The following DMD variants were observed in gnomAD, a reference collection of about 807,000 sequenced individuals.
DMD encodes the protein dystrophin, also known as mutant dystrophin.
Under a neutral mutation model 330.1 loss-of-function variants are expected in DMD, and 63 were observed. The ratio of observed to expected loss-of-function variants is 0.19; its 90% confidence interval spans 0.16 to 0.24. DMD has a LOEUF of 0.24. Among genes scored for constraint, DMD ranks in the 10% least tolerant of loss-of-function variants. The probability of loss-of-function intolerance (pLI) is 1.00; values close to 1 mark genes in which losing one functional copy is unlikely to be tolerated. For missense variants in DMD, 3,344 were observed against 2,684.1 expected (o/e 1.25, Z -5.43); for synonymous variants, 1,223 against 959.8 (o/e 1.27, Z -5.07).
intron 1 of DMD, among the ~76,000 whole-genome samples, chrX:33,107,310 C>T (rs1462173329): frequency 8.0e-3 from 7 of 877 alleles, no homozygotes; most frequent in East Asian, 0.074. Flanking sequence ...GAAGCTCTGT[C>T]CCCCCCCCCC....
At chrX:31,846,728 C>A (rs1482436981) in intron 48 of DMD, among the ~76,000 whole-genome samples, 1 of 111,100 alleles carries the variant, frequency 9.0e-6, no homozygotes, top group Non-Finnish European at 1.9e-5. Flanking sequence ...GACTAGCATC[C>A]TTCTCTATCC....
At chrX:32,868,499 C>T (rs1019467584) in intron 2 of DMD, among the ~76,000 whole-genome samples, 4 of 112,098 alleles carry the variant, frequency 3.6e-5, no homozygotes, top group African/African-American at 1.3e-4. Flanking sequence ...ACTGAGAGGA[C>T]TGAGCTCCTG....
intron 2 of DMD, among the ~76,000 whole-genome samples, chrX:32,895,109 G>A (rs770327672): frequency 3.6e-5 from 4 of 111,659 alleles, no homozygotes; most frequent in South Asian, 7.5e-4. Flanking sequence ...ACGGGCCACC[G>A]GATCAGAGCC....
intron 9 of DMD, among the ~76,000 whole-genome samples, chrX:32,651,108 C>A (rs1037531949): frequency 9.2e-6 from 1 of 108,454 alleles, no homozygotes; most frequent in African/African-American, 3.5e-5. Flanking sequence ...AGAGTCTAAG[C>A]AACAGCACTT....
rs140707858 is a variant in DMD at position 33,028,934 on chromosome X, A to C, written c.32-8734T>G. Among the ~76,000 whole-genome samples, 104 of 111,293 alleles carry C rather than the reference A, an allele frequency of 9.3e-4. 1 individual carries two copies. The East Asian group carries it at 0.026, about 28-fold the overall frequency. On this transcript the variant is annotated intron_variant, in intron 1 of 78. Transcript: ENST00000357033. The stretch of plus-strand genomic sequence containing the variant: ...CTTCCAATAATGCAGCCCAAATCCC[A>C]CTCATTACCTCCTAAATGTGACCAC...
intron 45 of DMD, among the ~76,000 whole-genome samples, chrX:31,944,154 T>A (rs1469529507): frequency 9.0e-6 from 1 of 111,584 alleles, no homozygotes; most frequent in Non-Finnish European, 1.9e-5. Flanking sequence ...CTGAGACCCA[T>A]GCAGTGGTTC....
chrX:32,893,908 C>A (rs1323197625), intron 2 of DMD, among the ~76,000 whole-genome samples: 1 of 110,998 alleles, frequency 9.0e-6, no homozygotes, highest in Non-Finnish European at 1.9e-5. Context: ...GATGGGCTGG[C>A]ATGTTTGGGC....
chrX:32,841,240 A>T (rs1057160571), intron 4 of DMD, among the ~76,000 whole-genome samples: 1 of 109,722 alleles, frequency 9.1e-6, no homozygotes, highest in African/African-American at 3.3e-5. Flanking sequence ...CCTAAAATTT[A>T]AAAAAAAAAT....
At chrX:32,759,278 T>C (rs2071919264) in intron 7 of DMD, among the ~76,000 whole-genome samples, 1 of 112,153 alleles carries the variant, frequency 8.9e-6, no homozygotes, top group Non-Finnish European at 1.9e-5. Context: ...TCTGGGGTCC[T>C]CTGGCACAAT....
At chrX:32,627,475 G>T (rs1366337515) in intron 11 of DMD, among the ~76,000 whole-genome samples, 1 of 96,500 alleles carries the variant, frequency 1.0e-5, no homozygotes, top group Non-Finnish European at 1.9e-5. Flanking sequence ...TAATAATTGT[G>T]TGTCAGAAAA....
chrX:31,659,722 T>C (rs1292347702), intron 53 of DMD, among the ~76,000 whole-genome samples: 1 of 107,462 alleles, frequency 9.3e-6, no homozygotes, highest in East Asian at 2.9e-4. Context: ...TAATACATCA[T>C]TCCAATGGTC....
chrX:31,536,352 C>T (rs955349857), intron 55 of DMD, among the ~76,000 whole-genome samples: 9 of 110,993 alleles, frequency 8.1e-5, no homozygotes, highest in African/African-American at 2.6e-4. Flanking sequence ...GTAAAAAATT[C>T]GGGACTGTTT....
At chrX:32,598,862 T>G (rs2055868508) in intron 12 of DMD, among the ~76,000 whole-genome samples, 1 of 111,802 alleles carries the variant, frequency 8.9e-6, no homozygotes, top group Admixed American at 9.5e-5. Context: ...CATTAAAATC[T>G]AACACAAGAA....
At chrX:31,786,020 C>T (rs190889002) in intron 50 of DMD, among the ~76,000 whole-genome samples, 9 of 111,967 alleles carry the variant, frequency 8.0e-5, no homozygotes, top group Non-Finnish European at 1.7e-4. Flanking sequence ...CTTGAGGAAT[C>T]GCCACACGGT....
chrX:31,163,032 T>G (rs1428458453), intron 74 of DMD, among the ~76,000 whole-genome samples: 1 of 111,960 alleles, frequency 8.9e-6, no homozygotes, highest in African/African-American at 3.3e-5. Context: ...TATTCATCCT[T>G]GCCATAAAAG....
chrX:32,472,448 ATATGAT>A, intron 21 of DMD, 139 bp from the exon 22 acceptor site: 3 of 592,967 alleles, frequency 5.1e-6, no homozygotes, highest in Admixed American at 3.1e-5. Context: ...AATATATTTA[ATATGAT>A]TATGAAGATA....
chrX:31,372,470 G>C (rs1343258461), intron 60 of DMD, among the ~76,000 whole-genome samples: 1 of 112,041 alleles, frequency 8.9e-6, no homozygotes, highest in African/African-American at 3.3e-5. Flanking sequence ...TTCTAAGCTT[G>C]ACTGTAGTGT....
chrX:32,656,664 A>T (rs1423595021), intron 9 of DMD, among the ~76,000 whole-genome samples: 1 of 111,780 alleles, frequency 8.9e-6, no homozygotes, highest in African/African-American at 3.3e-5. Context: ...GGTTCCAGTC[A>T]TTTTGCTTCA....
chrX:31,293,719 C>T (rs148444092), intron 62 of DMD, among the ~76,000 whole-genome samples: 1 of 112,153 alleles, frequency 8.9e-6, no homozygotes, highest in Non-Finnish European at 1.9e-5. Context: ...TTGTTCAGGG[C>T]ACAGAATGAG....
Sources: gnomAD v4.1 joint callset for allele counts (sites outside exome capture counted in the v4.1 genomes callset) on GRCh38, gnomAD v4.1.1 for gene constraint, MANE v1.5 for transcripts, NCBI Gene and HGNC (gene_info 2026-07-23, HGNC 2026-07-21) for gene names.